NAV2: variants seen among roughly 807,000 people sequenced by gnomAD.
NAV2 encodes the protein neuron navigator 2, also known as helicase, APC down-regulated 1.
NAV2 carries 54 observed loss-of-function variants against 223.2 expected under a neutral mutation model. The ratio of observed to expected loss-of-function variants is 0.24; its 90% confidence interval spans 0.19 to 0.30. NAV2 has a LOEUF of 0.30. Ranked by LOEUF, NAV2 falls within the 10% of genes least tolerant of loss-of-function variation. The pLI is 1.00. For missense variants in NAV2, 2,806 were observed against 3,147.5 expected (o/e 0.89, Z 2.60); for synonymous variants, 1,279 against 1,239.3 (o/e 1.03, Z -0.67).
chr11:19,798,503 C>T (rs868285067), intron 1 of NAV2, among the ~76,000 whole-genome samples: 2 of 152,116 alleles, frequency 1.3e-5, no homozygotes, highest in Middle Eastern at 3.2e-3. Context: ...ATGGTTTGTG[C>T]ATGAATGAAG....
chr11:19,776,817 C>T (rs573890793), intron 1 of NAV2, among the ~76,000 whole-genome samples: 1 of 152,032 alleles, frequency 6.6e-6, no homozygotes, highest in African/African-American at 2.4e-5. Flanking sequence ...AGTGAGGCGC[C>T]GGCTGGTGTC....
rs3802802 is a variant in NAV2 at position 20,093,469 on chromosome 11, C to T, written c.5916+270C>T. 3.7e-3 allele frequency among the ~76,000 whole-genome samples: 560 copies of T among 152,266 alleles called. 16 individuals carry two copies. The East Asian group carries it at 0.074, about 20-fold the overall frequency. On this transcript the variant is annotated intron_variant, in intron 29 of 37. Coordinates refer to ENST00000349880, the MANE Select transcript of NAV2 (RefSeq NM_145117.5). The stretch of plus-strand genomic sequence containing the variant: ...TCACTTTCATGTAATTAACTAAACA[C>T]TAACATCCATTGGAAAGGGCCTTTC...
At position 20,118,390 on chromosome 11, in the gene NAV2, C is replaced by T. The variant is rs934224142; in HGVS notation, c.*132C>T. ...TAGAGCTGCGGGAACACCGAGACCC[C>T]CCGTCCTTCAGCCTCGACCTGGGTG... On this transcript the variant is annotated 3_prime_UTR_variant, in exon 38 of 38. Transcript: ENST00000349880. 1 of 1,108,084 alleles carries T rather than the reference C, an allele frequency of 9.0e-7. No homozygotes were observed. Among genetic ancestry groups the T allele is most frequent in the Admixed American group, 2.2e-5 (1 of 46,272 alleles). 68.6% of individuals were successfully genotyped at this position (1,108,084 alleles called of 1,614,324 possible). A position where few individuals can be genotyped will look rare whatever the true frequency, so the allele number is the denominator to read the frequency against.
At chr11:19,777,418 TCCCCTCCTCC>T in intron 1 of NAV2, 2 of 433,036 alleles carry the variant, frequency 4.6e-6, no homozygotes, top group South Asian at 1.6e-5. Flanking sequence ...TTTTTTTTTT[TCCCCTCCTCC>T]TTTTTCCTCT....
intron 8 of NAV2, among the ~76,000 whole-genome samples, chr11:19,945,933 T>A (rs76929557): frequency 0.019 from 2,919 of 152,348 alleles, 78 homozygotes; most frequent in African/African-American, 0.066. Context: ...GTATAAATAT[T>A]TGTGATTAAC....
At chr11:19,624,013 T>G (rs2047087214) in intron 1 of NAV2, among the ~76,000 whole-genome samples, 1 of 152,224 alleles carries the variant, frequency 6.6e-6, no homozygotes, top group South Asian at 2.1e-4. Context: ...GCAGGTCTGT[T>G]GGAATTTGCT....
rs141594184 is a variant in NAV2, at chr11:20,064,342, C to T, written c.4884+1983C>T. Among the ~76,000 whole-genome samples, 847 of 152,256 alleles carry T rather than the reference C, an allele frequency of 5.6e-3. 9 individuals carry two copies. Among genetic ancestry groups the T allele is most frequent in the African/African-American group, 0.019 (801 of 41,538 alleles). ...AGGAGAGAAAGGAGCCTGCTACTGACGGAGGAAGCTGTAGGCACCAGAGGG... is the reference window on the plus strand; with the variant it reads ...AGGAGAGAAAGGAGCCTGCTACTGATGGAGGAAGCTGTAGGCACCAGAGGG... On this transcript the variant is annotated intron_variant, in intron 20 of 37. Coordinates refer to ENST00000349880, the MANE Select transcript of NAV2 (RefSeq NM_145117.5).
chr11:19,953,211 A>C (rs2047541262), intron 10 of NAV2, among the ~76,000 whole-genome samples: 2 of 152,180 alleles, frequency 1.3e-5, no homozygotes, highest in African/African-American at 2.4e-5. Flanking sequence ...TTTATGGACA[A>C]AAAAATGACC....
At chr11:19,776,831 G>A (rs1037423631) in intron 1 of NAV2, among the ~76,000 whole-genome samples, 15 of 152,024 alleles carry the variant, frequency 9.9e-5, no homozygotes, top group Non-Finnish European at 1.8e-4. Context: ...TGGTGTCTGA[G>A]CTAAGAACCC....
intron 6 of NAV2, among the ~76,000 whole-genome samples, chr11:19,897,082 A>G (rs965473304): frequency 8.5e-5 from 13 of 152,080 alleles, no homozygotes; most frequent in African/African-American, 3.1e-4. Flanking sequence ...TGTCCTTTGT[A>G]GGGACATGGA....
intron 1 of NAV2, among the ~76,000 whole-genome samples, chr11:19,525,830 T>G (rs2043824180): frequency 6.6e-6 from 1 of 152,172 alleles, no homozygotes; most frequent in Admixed American, 6.5e-5. Context: ...CCTTTCTCCC[T>G]CATTGATATG....
intron 2 of NAV2, among the ~76,000 whole-genome samples, chr11:19,842,529 G>A (rs1378274255): frequency 6.6e-6 from 1 of 152,124 alleles, no homozygotes; most frequent in African/African-American, 2.4e-5. Flanking sequence ...CTTTTGTGAC[G>A]GTTGTATTTG....
intron 1 of NAV2, among the ~76,000 whole-genome samples, chr11:19,449,098 T>C (rs1365145581): frequency 1.3e-5 from 2 of 152,156 alleles, no homozygotes; most frequent in Non-Finnish European, 2.9e-5. Flanking sequence ...TATTTTTGGT[T>C]CTCCACACTC....
At chr11:19,521,657 G>A (rs772832313) in intron 1 of NAV2, among the ~76,000 whole-genome samples, 1 of 152,116 alleles carries the variant, frequency 6.6e-6, no homozygotes, top group Non-Finnish European at 1.5e-5. Context: ...TGATATCAGT[G>A]AGCACTTATT....
chr11:19,931,596 A>T lies in NAV2; in HGVS notation c.932-1580A>T, dbSNP rs549043242. Among the ~76,000 whole-genome samples the T allele has an allele frequency of 5.6e-3, 746 of 133,052 alleles. 4 individuals are homozygous for T. Among genetic ancestry groups the T allele is most frequent in the African/African-American group, 0.018 (603 of 34,178 alleles). The allele number at this position is 133,052 out of a possible 152,430, so 87.3% of individuals were successfully genotyped here. ...AGAAGGCAGTGGAACATAGGTATTT[A>T]AAAAAAAAAAAAAGCAGAAGAAGCA... On this transcript the variant is annotated intron_variant, in intron 6 of 37. Transcript: ENST00000349880.
intron 1 of NAV2, among the ~76,000 whole-genome samples, chr11:19,698,191 C>T (rs1273191905): frequency 2.0e-5 from 3 of 152,190 alleles, no homozygotes; most frequent in African/African-American, 4.8e-5. Context: ...TCATTTACCA[C>T]GTGACTCTGA....
chr11:19,665,724 A>G (rs1191320176), intron 1 of NAV2, among the ~76,000 whole-genome samples: 1 of 152,212 alleles, frequency 6.6e-6, no homozygotes, highest in East Asian at 1.9e-4. Context: ...CTCTTGGAAG[A>G]GCAGAAAAGC....
At chr11:19,653,845 C>T (rs2048041771) in intron 1 of NAV2, among the ~76,000 whole-genome samples, 1 of 152,154 alleles carries the variant, frequency 6.6e-6, no homozygotes, top group African/African-American at 2.4e-5. Flanking sequence ...GACTTTGAAC[C>T]TGAGAAGACT....
chr11:20,053,932 T>A, intron 17 of NAV2, 148 bp from the exon 18 acceptor site: 1 of 814,932 alleles, frequency 1.2e-6, no homozygotes, highest in Middle Eastern at 2.4e-4. Context: ...AGAAACTTCA[T>A]AAGTTTCAGG....
Sources: allele counts gnomAD v4.1 joint callset (sites outside exome capture counted in the v4.1 genomes callset), GRCh38; gene constraint gnomAD v4.1.1; transcripts MANE v1.5; gene names NCBI Gene and HGNC (gene_info 2026-07-23, HGNC 2026-07-21).